Variants in TF observed in about 807,000 individuals in gnomAD.
TF encodes the protein serotransferrin.
TF carries 55 observed loss-of-function variants against 82.4 expected under a neutral mutation model. The observed-to-expected ratio is 0.67, with a 90% CI of 0.54 to 0.84. The LOEUF is 0.84. Among genes scored for constraint, TF ranks in the 40% least tolerant of loss-of-function variants. The pLI, the probability that TF is intolerant of heterozygous loss-of-function variation, is 0.00. For synonymous variants in TF, 332 were observed against 332.6 expected, an observed-to-expected ratio of 1.00 and a Z score of 0.02; for missense variants, 737 against 868.4, an observed-to-expected ratio of 0.85 and a Z score of 1.90.
chr3:133,691,497 T>A, the TF span, among the ~76,000 whole-genome samples: 1 of 152,084 alleles, frequency 6.6e-6, no homozygotes, highest in Non-Finnish European at 1.5e-5. Flanking sequence ...TTGATAAGGC[T>A]CAGAAGGAAA....
At chr3:133,738,839 C>CCATGCT in the TF span, among the ~76,000 whole-genome samples, 1 of 152,196 alleles carries the variant, frequency 6.6e-6, no homozygotes, top group African/African-American at 2.4e-5. Context: ...GAAAAACATT[C>CCATGCT]CATGCTCATG....
At chr3:133,731,338 A>T in the TF span, among the ~76,000 whole-genome samples, 1 of 152,198 alleles carries the variant, frequency 6.6e-6, no homozygotes. Context: ...ATTGTGAATA[A>T]CACTTTTCAA....
chr3:133,716,831 T>C, the TF span, among the ~76,000 whole-genome samples: 2 of 152,232 alleles, frequency 1.3e-5, no homozygotes, highest in African/African-American at 2.4e-5. Context: ...CTTCTTTCCC[T>C]GTGCACTCTC....
chr3:133,667,012 G>A, the TF span, among the ~76,000 whole-genome samples: 1 of 151,552 alleles, frequency 6.6e-6, no homozygotes, highest in East Asian at 1.9e-4. Flanking sequence ...CTCCAACCTG[G>A]GCAGCAGAGC....
At chr3:133,691,350 T>C in the TF span, among the ~76,000 whole-genome samples, 1 of 152,228 alleles carries the variant, frequency 6.6e-6, no homozygotes, top group African/African-American at 2.4e-5. Flanking sequence ...GAAATGTTTA[T>C]TGAACACCTA....
At chr3:133,693,680 A>C in the TF span, among the ~76,000 whole-genome samples, 3 of 152,090 alleles carry the variant, frequency 2.0e-5, no homozygotes, top group African/African-American at 4.8e-5. Context: ...CCTCCTCGAC[A>C]AGCTGTCCCA....
chr3:133,697,991 A>G, the TF span, among the ~76,000 whole-genome samples: 1 of 152,242 alleles, frequency 6.6e-6, no homozygotes. Context: ...CATATAGGCC[A>G]CATCCTCACT....
the TF span, among the ~76,000 whole-genome samples, chr3:133,674,061 T>C: frequency 6.6e-6 from 1 of 152,010 alleles, no homozygotes; most frequent in Non-Finnish European, 1.5e-5. Context: ...GGAGACCCAT[T>C]TGGGAGGAAG....
At chr3:133,733,870 A>AC in the TF span, among the ~76,000 whole-genome samples, 1 of 94,554 alleles carries the variant, frequency 1.1e-5, no homozygotes, top group African/African-American at 4.6e-5. Context: ...TAAAAAACAA[A>AC]AAAAAAAAAA....
At chr3:133,765,486 C>A (rs1250273111) in intron 11 of TF, among the ~76,000 whole-genome samples, 1 of 152,226 alleles carries the variant, frequency 6.6e-6, no homozygotes, top group Admixed American at 6.5e-5. Flanking sequence ...AAGTCTTACA[C>A]CAAGGTGAGC....
rs149612929 is a variant in TF, at chr3:133,768,268, G to A, written c.1622+104G>A. 9.8e-4 allele frequency: 1,425 copies of A among 1,454,132 alleles called. 2 individuals carry two copies. The highest frequency in any genetic ancestry group is 1.4e-3 in the Admixed American group (75 of 52,540). The allele number at this position is 1,454,132 out of a possible 1,614,324, so 90.1% of individuals were successfully genotyped here. ...CTTAGGTTCCTATTCCATTAGTGCG[G>A]CATGTATTAAGAGAGTATATTTCAC... On this transcript the variant is annotated intron_variant, in intron 13 of 16. Coordinates refer to ENST00000402696, the MANE Select transcript of TF (RefSeq NM_001063.4).
chr3:133,725,594 A>G, the TF span, among the ~76,000 whole-genome samples: 1 of 151,894 alleles, frequency 6.6e-6, no homozygotes, highest in African/African-American at 2.4e-5. Context: ...CAATCATGTC[A>G]TCTGCAAACA....
intron 13 of TF, among the ~76,000 whole-genome samples, chr3:133,769,680 G>T (rs1287776070): frequency 6.6e-6 from 1 of 152,144 alleles, no homozygotes; most frequent in East Asian, 1.9e-4. Context: ...TGAAGCAAGG[G>T]GATTAAAGTA....
chr3:133,753,309 C>T (rs772316220), intron 2 of TF, among the ~76,000 whole-genome samples: 4 of 152,206 alleles, frequency 2.6e-5, no homozygotes, highest in Non-Finnish European at 4.4e-5. Context: ...TCGTAATTGC[C>T]TACGGTAAAG....
chr3:133,681,708 C>A, the TF span, among the ~76,000 whole-genome samples: 1 of 152,304 alleles, frequency 6.6e-6, no homozygotes, highest in South Asian at 2.1e-4. Flanking sequence ...CCCAGAAGCT[C>A]GAACTGGGTG....
the TF span, chr3:133,699,677 G>A: frequency 1.5e-5 from 7 of 463,882 alleles, no homozygotes; most frequent in Non-Finnish European, 3.0e-5. Flanking sequence ...CTTGGATTTG[G>A]AGGGAGGTTA....
the TF span, among the ~76,000 whole-genome samples, chr3:133,702,313 G>C: frequency 2.0e-5 from 3 of 151,894 alleles, no homozygotes; most frequent in East Asian, 5.8e-4. Context: ...CTGGAGTCCA[G>C]TTAGCTCAGG....
the TF span, chr3:133,699,787 T>A: frequency 1.2e-3 from 413 of 344,754 alleles, no homozygotes; most frequent in Non-Finnish European, 2.0e-3. Context: ...CCGCTCAGTC[T>A]ATATGTGTTA....
chr3:133,731,228 G>A, the TF span, among the ~76,000 whole-genome samples: 1 of 152,230 alleles, frequency 6.6e-6, no homozygotes, highest in Non-Finnish European at 1.5e-5. Context: ...CAGCTGAACA[G>A]AGCTGATTCA....
Sources: gnomAD v4.1 joint callset for allele counts (sites outside exome capture counted in the v4.1 genomes callset) on GRCh38, gnomAD v4.1.1 for gene constraint, MANE v1.5 for transcripts, NCBI Gene and HGNC (gene_info 2026-07-23, HGNC 2026-07-21) for gene names.